RBMS3: variants seen among roughly 807,000 people sequenced by gnomAD.
RBMS3 encodes RNA binding motif single stranded interacting protein 3.
RBMS3 carries 27 observed loss-of-function variants against 66.8 expected under a neutral mutation model. The observed-to-expected ratio is 0.40, with a 90% CI of 0.30 to 0.56. RBMS3 has a LOEUF of 0.56. Among genes scored for constraint, RBMS3 ranks in the 20% least tolerant of loss-of-function variants. The pLI is 0.40. For synonymous variants in RBMS3, 188 were observed against 183.0 expected (o/e 1.03, Z -0.22); for missense variants, 513 against 549.5 (o/e 0.93, Z 0.66).
chr3:29,912,696 A>T (rs13319154), intron 10 of RBMS3, among the ~76,000 whole-genome samples: 8,078 of 152,114 alleles, frequency 0.053, 283 homozygotes, highest in African/African-American at 0.097. Flanking sequence ...AGAAATGTAT[A>T]GGGCAACTAC....
chr3:29,934,130 T>G (rs2371901), intron 10 of RBMS3: 1 of 152,132 alleles, frequency 6.6e-6, no homozygotes, highest in African/African-American at 2.4e-5. Context: ...TGATCCTTTT[T>G]GTGGCTAGAG....
intron 6 of RBMS3, among the ~76,000 whole-genome samples, chr3:29,812,864 CATT>C (rs1309687959): frequency 6.6e-6 from 1 of 151,924 alleles, no homozygotes; most frequent in African/African-American, 2.4e-5. Context: ...ATTGCATTGT[CATT>C]ATACTTTGCT....
intron 1 of RBMS3, among the ~76,000 whole-genome samples, chr3:29,372,332 A>G (rs939506463): frequency 1.3e-5 from 2 of 152,168 alleles, no homozygotes; most frequent in Non-Finnish European, 2.9e-5. Flanking sequence ...CTGTCTCAAA[A>G]AAAAAGAAAA....
chr3:29,290,208 T>G (rs1053747613), intron 1 of RBMS3, among the ~76,000 whole-genome samples: 4 of 151,882 alleles, frequency 2.6e-5, no homozygotes, highest in African/African-American at 9.7e-5. Flanking sequence ...ATATATAACT[T>G]AAAATTAAAT....
At chr3:29,681,651 A>C (rs973565951) in intron 4 of RBMS3, among the ~76,000 whole-genome samples, 1 of 152,138 alleles carries the variant, frequency 6.6e-6, no homozygotes, top group African/African-American at 2.4e-5. Flanking sequence ...AATGGCTTTC[A>C]ACCCCATCCA....
intron 6 of RBMS3, among the ~76,000 whole-genome samples, chr3:29,769,557 C>T (rs540846414): frequency 1.3e-5 from 2 of 151,820 alleles, no homozygotes; most frequent in Non-Finnish European, 1.5e-5. Flanking sequence ...GCCTTGATTG[C>T]CTCTTGAAGT....
At chr3:29,489,921 TA>T (rs1469286934) in intron 3 of RBMS3, among the ~76,000 whole-genome samples, 1 of 150,902 alleles carries the variant, frequency 6.6e-6, no homozygotes, top group Non-Finnish European at 1.5e-5. Context: ...TAGGCACCTG[TA>T]ATCCCAGCTA....
At chr3:29,467,642 C>T (rs565749347) in intron 2 of RBMS3, among the ~76,000 whole-genome samples, 4 of 152,222 alleles carry the variant, frequency 2.6e-5, no homozygotes, top group Admixed American at 6.5e-5. Context: ...AAAGAAAAGC[C>T]AAGCTTAGAG....
At chr3:29,338,898 C>A (rs920023197) in intron 1 of RBMS3, among the ~76,000 whole-genome samples, 1 of 152,144 alleles carries the variant, frequency 6.6e-6, no homozygotes, top group Non-Finnish European at 1.5e-5. Flanking sequence ...TTGAGTGGAA[C>A]AGCATCATCA....
chr3:29,953,668 G>A (rs1233329827), intron 12 of RBMS3, among the ~76,000 whole-genome samples: 4 of 151,752 alleles, frequency 2.6e-5, no homozygotes, highest in East Asian at 3.9e-4. Context: ...AGTGCTCTAC[G>A]TGAATTGATT....
chr3:29,312,009 AG>A (rs1470225540), intron 1 of RBMS3, among the ~76,000 whole-genome samples: 1 of 151,776 alleles, frequency 6.6e-6, no homozygotes, highest in Non-Finnish European at 1.5e-5. Flanking sequence ...TGAAAAAGAA[AG>A]GGCTCTATAA....
At chr3:29,313,432 C>T (rs1488943196) in intron 1 of RBMS3, among the ~76,000 whole-genome samples, 2 of 151,700 alleles carry the variant, frequency 1.3e-5, no homozygotes, top group East Asian at 3.9e-4. Flanking sequence ...GGCATGAAGG[C>T]ACTGTGTATA....
intron 1 of RBMS3, among the ~76,000 whole-genome samples, chr3:29,415,072 T>A (rs1045889718): frequency 1.3e-5 from 2 of 152,088 alleles, no homozygotes; most frequent in Non-Finnish European, 2.9e-5. Flanking sequence ...CACACTGGAG[T>A]GTTCTCCCTG....
intron 6 of RBMS3, among the ~76,000 whole-genome samples, chr3:29,790,792 T>A (rs1331896786): frequency 1.3e-5 from 2 of 152,212 alleles, no homozygotes. Context: ...CTGAGATTTT[T>A]AAAGTTTCAA....
At chr3:29,670,492 C>T (rs558797331) in intron 4 of RBMS3, among the ~76,000 whole-genome samples, 9 of 152,274 alleles carry the variant, frequency 5.9e-5, no homozygotes, top group Non-Finnish European at 1.5e-5. Context: ...AGGGAATTCC[C>T]TCTGCTAACC....
intron 1 of RBMS3, among the ~76,000 whole-genome samples, chr3:29,288,216 G>T (rs1040959246): frequency 6.6e-6 from 1 of 151,994 alleles, no homozygotes; most frequent in African/African-American, 2.4e-5. Context: ...GCCTGCTTTA[G>T]TATCTTAGTG....
chr3:29,907,009 A>C (rs977288612), intron 10 of RBMS3, among the ~76,000 whole-genome samples: 2 of 152,128 alleles, frequency 1.3e-5, no homozygotes, highest in Admixed American at 6.6e-5. Context: ...TTGAGCAAAA[A>C]TGTTATTTAC....
chr3:29,386,420 C>T (rs1475447591), intron 1 of RBMS3, among the ~76,000 whole-genome samples: 1 of 152,058 alleles, frequency 6.6e-6, no homozygotes, highest in African/African-American at 2.4e-5. Flanking sequence ...TCAAAATGAT[C>T]CCACTATAAC....
intron 6 of RBMS3, among the ~76,000 whole-genome samples, chr3:29,782,030 C>T (rs1010990054): frequency 6.6e-6 from 1 of 150,430 alleles, no homozygotes; most frequent in Non-Finnish European, 1.5e-5. Flanking sequence ...CCCTGCCCCC[C>T]ACCTGGTGGT....
Sources: allele counts gnomAD v4.1 joint callset (sites outside exome capture counted in the v4.1 genomes callset), GRCh38; gene constraint gnomAD v4.1.1; transcripts MANE v1.5; gene names NCBI Gene and HGNC (gene_info 2026-07-23, HGNC 2026-07-21).